Variants in CASTOR2 observed in about 807,000 individuals in gnomAD.
CASTOR2 encodes the protein cytosolic arginine sensor for mTORC1 subunit 2.
In CASTOR2, 8 loss-of-function variants were observed where a neutral mutation model predicts 31.2. That is an observed-to-expected ratio of 0.26 (90% CI 0.15 to 0.46). The LOEUF (loss-of-function observed/expected upper bound fraction) is 0.46. Ranked by LOEUF, CASTOR2 falls within the 20% of genes least tolerant of loss-of-function variation. The pLI, the probability that CASTOR2 is intolerant of heterozygous loss-of-function variation, is 0.99. For missense variants in CASTOR2, 216 were observed against 382.1 expected (o/e 0.57, Z 3.62); for synonymous variants, 162 against 158.7 (o/e 1.02, Z -0.16).
intron 2 of CASTOR2, among the ~76,000 whole-genome samples, chr7:75,008,677 C>G (rs1804657981): frequency 6.6e-6 from 1 of 152,056 alleles, no homozygotes; most frequent in Non-Finnish European, 1.5e-5. Flanking sequence ...GGCTGGAAGA[C>G]AGAGCGAAAC....
chr7:75,025,608 T>C lies in CASTOR2; in HGVS notation c.*909T>C, dbSNP rs1805106434. On this transcript the variant is annotated 3_prime_UTR_variant, in exon 9 of 9. Transcript: ENST00000616305. ...AGCATAGGACTCCCCGCCGTCCTCC[T>C]CCCTCCTCTGCCCCCAAGTCACCTG... Among the ~76,000 whole-genome samples the C allele has an allele frequency of 6.6e-6, 1 of 152,192 alleles. No homozygotes were observed. Among genetic ancestry groups the C allele is most frequent in the Non-Finnish European group, 1.5e-5 (1 of 68,018 alleles).
chr7:75,009,039 C>T (rs1405522805), intron 2 of CASTOR2, among the ~76,000 whole-genome samples: 1 of 152,118 alleles, frequency 6.6e-6, no homozygotes, highest in Non-Finnish European at 1.5e-5. Context: ...TCACTGCAAC[C>T]TCCACCTCCC....
At chr7:75,020,652 G>A (rs1349436918) in intron 6 of CASTOR2, among the ~76,000 whole-genome samples, 2 of 151,674 alleles carry the variant, frequency 1.3e-5, no homozygotes. Context: ...ACCACGCCTG[G>A]CTAATTTTTT....
At chr7:75,007,039 C>T (rs1470344385) in intron 1 of CASTOR2, among the ~76,000 whole-genome samples, 11 of 152,156 alleles carry the variant, frequency 7.2e-5, no homozygotes, top group East Asian at 5.8e-4. Context: ...AGCCCATGCC[C>T]GGCTTTGTGC....
At chr7:75,000,119 A>G (rs1333396634) in intron 1 of CASTOR2, among the ~76,000 whole-genome samples, 3 of 152,276 alleles carry the variant, frequency 2.0e-5, no homozygotes, top group African/African-American at 7.2e-5. Flanking sequence ...CCAGCTACTC[A>G]GGAGGCTGAG....
intron 1 of CASTOR2, among the ~76,000 whole-genome samples, chr7:74,977,624 A>G (rs1370994295): frequency 6.8e-6 from 1 of 147,794 alleles, no homozygotes; most frequent in Non-Finnish European, 1.5e-5. Context: ...CTTGTGATCT[A>G]CCCGCCTCAG....
intron 5 of CASTOR2, among the ~76,000 whole-genome samples, chr7:75,019,473 G>A (rs1217334523): frequency 1.3e-5 from 2 of 151,972 alleles, no homozygotes; most frequent in Non-Finnish European, 2.9e-5. Context: ...ACATGGACCC[G>A]CCCTGGAACT....
Position 75,026,894 on chromosome 7 carries a change from G to A in CASTOR2, c.*2195G>A, listed in dbSNP as rs1805149914. Among the ~76,000 whole-genome samples the A allele has an allele frequency of 6.6e-6, 1 of 152,048 alleles. No individual in the cohort carries two copies. Among genetic ancestry groups the A allele is most frequent in the Non-Finnish European group, 1.5e-5 (1 of 68,006 alleles). On this transcript the variant is annotated 3_prime_UTR_variant, in exon 9 of 9. Coordinates refer to ENST00000616305, the MANE Select transcript of CASTOR2 (RefSeq NM_001145064.3). Reference sequence around the variant, plus strand: ...GTGTCGGCCCCGTGACCCCAGAGTCGTGTGTCCCCTAGACTTCCTAGGACG... The same window carrying A: ...GTGTCGGCCCCGTGACCCCAGAGTCATGTGTCCCCTAGACTTCCTAGGACG...
chr7:74,985,825 A>G (rs1804049839), intron 1 of CASTOR2, among the ~76,000 whole-genome samples: 2 of 152,028 alleles, frequency 1.3e-5, no homozygotes. Flanking sequence ...GTTGCTCCAG[A>G]TGGATACCTG....
chr7:75,021,301 A>AT (rs1268194647), intron 6 of CASTOR2, among the ~76,000 whole-genome samples: 1 of 151,516 alleles, frequency 6.6e-6, no homozygotes, highest in African/African-American at 2.4e-5. Context: ...CAATTTTTGT[A>AT]TTTTTCGTAG....
rs923453473 is a variant in CASTOR2, at chr7:75,029,658, C to G, written c.*4959C>G. ...CCCGCCTGGCCAATGGGATTTTTGA[C>G]GCCACTTCCTGAGTGAAGCGCTTTG... On this transcript the variant is annotated 3_prime_UTR_variant, in exon 9 of 9. Coordinates refer to ENST00000616305, the MANE Select transcript of CASTOR2 (RefSeq NM_001145064.3). 6.6e-6 allele frequency among the ~76,000 whole-genome samples: 1 copy of G among 151,918 alleles called. No individual in the cohort carries two copies. Among genetic ancestry groups the G allele is most frequent in the Non-Finnish European group, 1.5e-5 (1 of 67,976 alleles).
At position 75,017,645 on chromosome 7, in the gene CASTOR2, G is replaced by A; in HGVS notation, c.232G>A (p.Ala78Thr). The part of the protein sequence containing the change: ...HLSVADATWL[A>T]LNVVSGGGSF... Reference sequence around the variant, plus strand: ...GAGTGTGGCAGATGCCACCTGGCTGGCCCTGAACGTGGTGTCCGGCGGTGG... The same window carrying A: ...GAGTGTGGCAGATGCCACCTGGCTGACCCTGAACGTGGTGTCCGGCGGTGG... Residue 78 changes from alanine (A) to threonine (T), a missense_variant, in exon 3 of 9, where the codon GCC (alanine) becomes ACC (threonine). This residue lies in a region of CASTOR2 where 114 missense variants were observed against 194.2 expected (regional missense o/e 0.59). Coordinates refer to ENST00000616305, the MANE Select transcript of CASTOR2 (RefSeq NM_001145064.3). The A allele has an allele frequency of 6.2e-7, 1 of 1,614,024 alleles. No individual in the cohort carries two copies. The highest frequency in any genetic ancestry group is 1.1e-5 in the South Asian group (1 of 91,076).
At chr7:74,997,288 G>A (rs1473187436) in intron 1 of CASTOR2, among the ~76,000 whole-genome samples, 1 of 151,938 alleles carries the variant, frequency 6.6e-6, no homozygotes, top group Non-Finnish European at 1.5e-5. Context: ...GTCACCTGGT[G>A]CTTTTATCTG....
chr7:75,013,466 A>C (rs1804798196), intron 2 of CASTOR2, among the ~76,000 whole-genome samples: 1 of 144,312 alleles, frequency 6.9e-6, no homozygotes, highest in Non-Finnish European at 1.5e-5. Context: ...AACATGGCAA[A>C]GCCCCGTCTC....
chr7:74,974,307 G>A lies in CASTOR2; in HGVS notation c.113+9209G>A, dbSNP rs78271467. ...TATGCTCTGTTCACTGAGAAACCCC[G>A]CAGTGTATACCTGCTGTAGGCAGGG... On this transcript the variant is annotated intron_variant, in intron 1 of 8. Coordinates refer to ENST00000616305, the MANE Select transcript of CASTOR2 (RefSeq NM_001145064.3). Among the ~76,000 whole-genome samples the A allele has an allele frequency of 4.0e-5, 6 of 148,664 alleles. 1 individual carries two copies. In the East Asian group the frequency reaches 6.0e-4, roughly 15 times the overall value.
intron 2 of CASTOR2, 55 bp downstream of exon 2, chr7:75,008,119 G>C (rs1804645368): frequency 1.9e-6 from 3 of 1,605,660 alleles, no homozygotes; most frequent in Admixed American, 1.7e-5. Context: ...AGTCAGGGCT[G>C]GCTGCCCACC....
intron 6 of CASTOR2, among the ~76,000 whole-genome samples, chr7:75,020,733 C>T (rs1405634928): frequency 6.6e-6 from 1 of 152,018 alleles, no homozygotes; most frequent in Non-Finnish European, 1.5e-5. Context: ...TTGTGATCTG[C>T]CCGCCCCGGC....
chr7:74,973,429 C>CTCCCAGGT (rs1803729366), intron 1 of CASTOR2, among the ~76,000 whole-genome samples: 1 of 102,754 alleles, frequency 9.7e-6, no homozygotes, highest in Non-Finnish European at 1.9e-5. Flanking sequence ...CAACCTCTGT[C>CTCCCAGGT]TCCCAGGTTC....
chr7:74,982,420 G>A (rs1803967349), intron 1 of CASTOR2, among the ~76,000 whole-genome samples: 1 of 151,876 alleles, frequency 6.6e-6, no homozygotes, highest in African/African-American at 2.4e-5. Flanking sequence ...TGTAAGGGCA[G>A]ATCTCGCGGT....
Sources: gnomAD v4.1 joint callset for allele counts (sites outside exome capture counted in the v4.1 genomes callset) on GRCh38, gnomAD v4.1.1 for gene constraint, gnomAD v4.1.1 regional missense constraint, MANE v1.5 for transcripts, NCBI Gene and HGNC (gene_info 2026-07-23, HGNC 2026-07-21) for gene names.